Variants in ATG4B observed in about 807,000 individuals in gnomAD.
ATG4B encodes autophagy related 4B cysteine peptidase.
In ATG4B, 29 loss-of-function variants were observed where a neutral mutation model predicts 56.6. That is an observed-to-expected ratio of 0.51 (90% confidence interval 0.38 to 0.70). The LOEUF is 0.70. Among genes scored for constraint, ATG4B ranks in the 30% least tolerant of loss-of-function variants. ATG4B has a pLI of 0.00. For missense variants in ATG4B, 461 were observed against 515.5 expected (o/e 0.89, Z 1.02); for synonymous variants, 224 against 206.1 (o/e 1.09, Z -0.74).
chr2:241,659,340 GC>G, intron 7 of ATG4B, 153 bp downstream of exon 7: 1 of 730,740 alleles, frequency 1.4e-6, no homozygotes, highest in Non-Finnish European at 2.5e-6. Flanking sequence ...CAAGCCAGAT[GC>G]ACGGTGGCCT....
rs550828853 is a variant in ATG4B, at chr2:241,671,398, G to T, written c.1101G>T (p.Leu367=). ...SHLACPDVLN[L]SLDSSDVERL... ...TGGCCTGCCCCGACGTCCTGAACCTGTCCCTAGGTGAGAGCTGCCAAGTCC... is the reference window on the plus strand; with the variant it reads ...TGGCCTGCCCCGACGTCCTGAACCTTTCCCTAGGTGAGAGCTGCCAAGTCC... Residue 367 remains leucine (L), a synonymous_variant, in exon 12 of 13, where the codon CTG becomes CTT. Transcript: ENST00000404914. 12 of 1,613,622 alleles carry T rather than the reference G, an allele frequency of 7.4e-6. No homozygotes were observed. In the East Asian group the frequency reaches 2.5e-4, roughly 33 times the overall value.
intron 3 of ATG4B, 99 bp from the exon 4 acceptor site, chr2:241,653,413 G>A (rs576748960): frequency 5.9e-5 from 91 of 1,551,330 alleles, no homozygotes; most frequent in Non-Finnish European, 7.7e-5. Flanking sequence ...GGGAGTCGGT[G>A]CCTGTGGTGT....
In ATG4B at chr2:241,668,155, A is replaced by G. The variant is rs758149210; in HGVS notation, c.745A>G (p.Met249Val). 1 of 1,602,856 alleles carries G rather than the reference A, an allele frequency of 6.2e-7. No homozygotes were observed. Among genetic ancestry groups the G allele is most frequent in the Non-Finnish European group, 8.5e-7 (1 of 1,175,308 alleles). Residue 249 changes from methionine to valine, a missense_variant, in exon 9 of 13, where the codon ATG becomes GTG. Met to Val is a conservative substitution (Grantham distance 21, BLOSUM62 1). Transcript: ENST00000404914. This position sits in a 1 kb window ranked among gnomAD's most constrained non-coding sequence, Gnocchi z 4.2. The stretch of plus-strand genomic sequence containing the variant: ...CGCCCCTCCACAGCACTGCTTCATG[A>G]TGCCCCAGTCCCTGGGCGTCATCGG... ...YVETLKHCFM[M>V]PQSLGVIGGK...
At chr2:241,664,454 C>T (rs946322718) in intron 7 of ATG4B, among the ~76,000 whole-genome samples, 5 of 152,184 alleles carry the variant, frequency 3.3e-5, no homozygotes, top group African/African-American at 1.2e-4. Context: ...GGGAGGATCC[C>T]ATGAGCCTGG....
At chr2:241,648,999 T>C (rs576146327) in intron 1 of ATG4B, among the ~76,000 whole-genome samples, 15 of 152,328 alleles carry the variant, frequency 9.8e-5, no homozygotes, top group East Asian at 7.7e-4. Context: ...CAGCACCTCA[T>C]TGGAAGTGTT....
chr2:241,637,810 T>C (rs1480622512), intron 1 of ATG4B, 86 bp downstream of exon 1: 7 of 1,353,494 alleles, frequency 5.2e-6, no homozygotes, highest in Non-Finnish European at 6.7e-6. Context: ...CTGCCGCGAC[T>C]CGCCTCGGGG....
At chr2:241,656,002 C>G (rs1426547886) in intron 6 of ATG4B, among the ~76,000 whole-genome samples, 1 of 152,172 alleles carries the variant, frequency 6.6e-6, no homozygotes, top group African/African-American at 2.4e-5. Context: ...TTTGGGGAGG[C>G]TCTGGCCAGA....
intron 1 of ATG4B, among the ~76,000 whole-genome samples, chr2:241,645,220 T>G (rs2125116058): frequency 6.6e-6 from 1 of 152,302 alleles, no homozygotes; most frequent in Non-Finnish European, 1.5e-5. Flanking sequence ...GACCTCCTCA[T>G]AACTGAAGAG....
intron 1 of ATG4B, among the ~76,000 whole-genome samples, chr2:241,640,485 CTG>C (rs1559245041): frequency 6.6e-6 from 1 of 152,224 alleles, no homozygotes; most frequent in African/African-American, 2.4e-5. Flanking sequence ...ATTCAATACA[CTG>C]TTTGTTACTG....
rs1323754220 is a variant in ATG4B, at chr2:241,651,398, C to G, written c.184+63C>G. ...TGTTTTTAGGAAGGAGGAAAACTTA[C>G]GCTTGTAGATTTGACTTCAATATGC... On this transcript the variant is annotated intron_variant, in intron 3 of 12. Transcript: ENST00000404914. This position sits in a 1 kb window ranked among gnomAD's most constrained non-coding sequence, Gnocchi z 4.1. The G allele has an allele frequency of 1.9e-5, 25 of 1,298,234 alleles. No homozygotes were observed. The East Asian group carries it at 3.8e-4, about 20-fold the overall frequency. 80.4% of individuals were successfully genotyped at this position (1,298,234 alleles called of 1,614,324 possible).
intron 10 of ATG4B, among the ~76,000 whole-genome samples, chr2:241,670,076 C>A (rs1003580708): frequency 6.6e-6 from 1 of 152,144 alleles, no homozygotes; most frequent in African/African-American, 2.4e-5. Context: ...ACACCAGCGC[C>A]GAGGCGGCAG....
intron 1 of ATG4B, among the ~76,000 whole-genome samples, chr2:241,642,569 G>GT (rs11381727): frequency 0.85 from 127,264 of 150,394 alleles, 54,052 homozygotes; most frequent in African/African-American, 0.9. Flanking sequence ...AAATTTACTC[G>GT]TTTTTTTTTG....
rs2068226658 is a variant in ATG4B, at chr2:241,651,416, C to A, written c.184+81C>A. The A allele has an allele frequency of 9.5e-7, 1 of 1,048,244 alleles. No homozygotes were observed. Among genetic ancestry groups the A allele is most frequent in the Non-Finnish European group, 1.4e-6 (1 of 706,180 alleles). 64.9% of individuals were successfully genotyped at this position (1,048,244 alleles called of 1,614,324 possible). A position where few individuals can be genotyped will look rare whatever the true frequency, so the allele number is the denominator to read the frequency against. On this transcript the variant is annotated intron_variant, in intron 3 of 12. Transcript: ENST00000404914. This position sits in a 1 kb window ranked among gnomAD's most constrained non-coding sequence, Gnocchi z 4.1. The stretch of plus-strand genomic sequence containing the variant: ...AAACTTACGCTTGTAGATTTGACTT[C>A]AATATGCCACTGACTTCATTTGAAT...
At chr2:241,659,619 A>G (rs1052413397) in intron 7 of ATG4B, 2 of 332,140 alleles carry the variant, frequency 6.0e-6, no homozygotes, top group Non-Finnish European at 1.2e-5. Flanking sequence ...TTTCTGGAAG[A>G]AAGGTCTGCT....
chr2:241,639,989 C>G (rs2067836118), intron 1 of ATG4B, among the ~76,000 whole-genome samples: 1 of 152,152 alleles, frequency 6.6e-6, no homozygotes, highest in Admixed American at 6.5e-5. Context: ...ACTGGTGACC[C>G]ACCCCTCTCT....
At chr2:241,654,883 C>T (rs1397305108) in intron 5 of ATG4B, 10 of 580,502 alleles carry the variant, frequency 1.7e-5, no homozygotes, top group Admixed American at 6.5e-5. Context: ...GCTGTCCATG[C>T]GGCTTGCAGT....
At position 241,668,037 on chromosome 2, in the gene ATG4B, G is replaced by A; in HGVS notation, c.733-106G>A. 9 of 1,097,570 alleles carry A rather than the reference G, an allele frequency of 8.2e-6. No individual in the cohort carries two copies. The highest frequency in any genetic ancestry group is 1.0e-5 in the Non-Finnish European group (8 of 762,340). 68.0% of individuals were successfully genotyped at this position (1,097,570 alleles called of 1,614,324 possible). A position where few individuals can be genotyped will look rare whatever the true frequency, so the allele number is the denominator to read the frequency against. On this transcript the variant is annotated intron_variant, in intron 8 of 12. Coordinates refer to ENST00000404914, the MANE Select transcript of ATG4B (RefSeq NM_013325.5). This position sits in a 1 kb window ranked among gnomAD's most constrained non-coding sequence, Gnocchi z 4.2. ...CATGTCCCCTCCTGTCCCCTCTTGT[G>A]TCACCCAGTTGGGCCTCAGCAGGCC...
At position 241,658,958 on chromosome 2, in the gene ATG4B, CATTGGCTGTGCCCCGG is replaced by C. The variant is rs1057384499; in HGVS notation, c.459-146_459-131del. ...CCCTCAGCTTTCTTCCTGTCTGTGG[CATTGGCTGTGCCCCGG>C]ATTTTAGGAGCCTTGGCCCTTCTCA... On this transcript the variant is annotated intron_variant, in intron 6 of 12. Coordinates refer to ENST00000404914, the MANE Select transcript of ATG4B (RefSeq NM_013325.5). 1.6e-5 allele frequency: 9 copies of C among 572,614 alleles called. No homozygotes were observed. In the Admixed American group the frequency reaches 2.3e-4, roughly 15 times the overall value. The allele number at this position is 572,614 out of a possible 1,614,324, so 35.5% of individuals were successfully genotyped here. A position where few individuals can be genotyped will look rare whatever the true frequency, so the allele number is the denominator to read the frequency against.
At chr2:241,666,013 C>T (rs976693706) in intron 7 of ATG4B, among the ~76,000 whole-genome samples, 31 of 152,204 alleles carry the variant, frequency 2.0e-4, no homozygotes, top group African/African-American at 7.0e-4. Context: ...TGGCGTTTTT[C>T]GTTTATGTTT....
Sources: gnomAD v4.1 joint callset for allele counts (sites outside exome capture counted in the v4.1 genomes callset) on GRCh38, gnomAD v4.1.1 for gene constraint, Gnocchi (gnomAD v3.1) non-coding constraint, MANE v1.5 for transcripts, NCBI Gene and HGNC (gene_info 2026-07-23, HGNC 2026-07-21) for gene names.